The following WNT10B variants were observed in gnomAD, a reference collection of about 807,000 sequenced individuals.
WNT10B encodes Wnt family member 10B, also known as protein Wnt-10b.
A neutral mutation model predicts 32.7 loss-of-function variants in WNT10B; 26 were observed. The observed-to-expected ratio is 0.79, with a 90% confidence interval of 0.58 to 1.10. The LOEUF is 1.10. Among genes scored for constraint, WNT10B ranks in the 50% least tolerant of loss-of-function variants. The pLI is 0.00. For missense variants in WNT10B, 474 were observed against 532.5 expected, an observed-to-expected ratio of 0.89 and a Z score of 1.08; for synonymous variants, 204 against 220.4, an observed-to-expected ratio of 0.93 and a Z score of 0.66.
At chr12:48,969,532 T>C (rs1940806832) in intron 3 of WNT10B, among the ~76,000 whole-genome samples, 1 of 151,844 alleles carries the variant, frequency 6.6e-6, no homozygotes, top group South Asian at 2.1e-4. Flanking sequence ...CCTGCTCAGG[T>C]GAGCAACACC....
intron 4 of WNT10B, 122 bp downstream of exon 4, chr12:48,967,824 T>A (rs1940766264): frequency 1.5e-6 from 2 of 1,343,508 alleles, no homozygotes; most frequent in Admixed American, 5.2e-5. Context: ...TGAGGCTGGG[T>A]GACTTGCTGA....
In WNT10B at chr12:48,971,636, A is replaced by G. The variant is rs1343761184; in HGVS notation, c.-222T>C. The G allele has an allele frequency of 6.6e-6, 1 of 152,656 alleles. No individual in the cohort carries two copies. The highest frequency in any genetic ancestry group is 1.5e-5 in the Non-Finnish European group (1 of 68,474). 9.5% of individuals were successfully genotyped at this position (152,656 alleles called of 1,614,324 possible). ...AGCGCCGCCGCGGCCGCCGGGAGGA[A>G]GGGAGGGAGGAAGGGAGGGAGTGAT... On this transcript the variant is annotated 5_prime_UTR_variant, in exon 1 of 5. Coordinates refer to ENST00000301061, the MANE Select transcript of WNT10B (RefSeq NM_003394.4).
Position 48,966,164 on chromosome 12 carries a change from G to C in WNT10B, c.1101C>G (p.Arg367=). Residue 367 remains arginine (R), a synonymous_variant, in exon 5 of 5, where the codon CGC becomes CGG. Coordinates refer to ENST00000301061, the MANE Select transcript of WNT10B (RefSeq NM_003394.4). The stretch of plus-strand genomic sequence containing the variant: ...ACAGCACATAGCAGCACCAGTGGAA[G>C]CGGCAATGGCAGCGCTCAACTCGTG... ...RQTRVERCHC[R]FHWCCYVLCD... The C allele has an allele frequency of 6.2e-7, 1 of 1,613,694 alleles. No individual in the cohort carries two copies. Among genetic ancestry groups the C allele is most frequent in the Non-Finnish European group, 8.5e-7 (1 of 1,180,026 alleles).
In WNT10B at chr12:48,969,554, C is replaced by G. The variant is rs544832058; in HGVS notation, c.337+535G>C. Among the ~76,000 whole-genome samples, 3 of 152,310 alleles carry G rather than the reference C, an allele frequency of 2.0e-5. No individual in the cohort carries two copies. In the South Asian group the frequency reaches 6.2e-4, roughly 32 times the overall value. Reference sequence around the variant, plus strand: ...AGGTGAGCAACACCTGGAGCCCCCACAGCACAGAGGAGGGGACTGGCTCCC... The same window carrying G: ...AGGTGAGCAACACCTGGAGCCCCCAGAGCACAGAGGAGGGGACTGGCTCCC... On this transcript the variant is annotated intron_variant, in intron 3 of 4. Transcript: ENST00000301061.
At position 48,965,719 on chromosome 12, in the gene WNT10B, C is replaced by T. The variant is rs1227553188; in HGVS notation, c.*376G>A. The T allele has an allele frequency of 7.5e-6, 2 of 267,726 alleles. No homozygotes were observed. Among genetic ancestry groups the T allele is most frequent in the Non-Finnish European group, 1.5e-5 (2 of 137,508 alleles). 16.6% of individuals were successfully genotyped at this position (267,726 alleles called of 1,614,324 possible). A position where few individuals can be genotyped will look rare whatever the true frequency, so the allele number is the denominator to read the frequency against. On this transcript the variant is annotated 3_prime_UTR_variant, in exon 5 of 5. Transcript: ENST00000301061. ...ACAGATCTTATGGCTCCAAACAGTGCCTGGGGTTATCCCTCAAGGGAGAGG... is the reference window on the plus strand; with the variant it reads ...ACAGATCTTATGGCTCCAAACAGTGTCTGGGGTTATCCCTCAAGGGAGAGG...
rs1940839605 is a variant in WNT10B, at chr12:48,970,715, C to G, written c.-40-146G>C. 1.6e-6 allele frequency: 1 copy of G among 639,016 alleles called. No homozygotes were observed. The highest frequency in any genetic ancestry group is 1.8e-5 in the African/African-American group (1 of 54,322). The allele number at this position is 639,016 out of a possible 1,614,324, so 39.6% of individuals were successfully genotyped here. A position where few individuals can be genotyped will look rare whatever the true frequency, so the allele number is the denominator to read the frequency against. ...CCTCAAACAAAACAAGAAGAAACAC[C>G]CCTTGATTCCCAGAGTCCCTGAGGC... is the stretch of plus-strand genomic sequence containing the variant. On this transcript the variant is annotated intron_variant, in intron 1 of 4. Transcript: ENST00000301061. This position sits in a 1 kb window ranked among gnomAD's most constrained non-coding sequence, Gnocchi z 5.0.
intron 3 of WNT10B, 128 bp downstream of exon 3, chr12:48,969,961 G>C: frequency 8.4e-7 from 1 of 1,184,342 alleles, no homozygotes. Context: ...GGCTCCGGGG[G>C]GGGCGGGGAA....
Position 48,970,151 on chromosome 12 carries a change from C to A in WNT10B, c.275G>T (p.Trp92Leu). ...ECQHQLRDQR[W>L]NCSALEGGGR... ...GCCGCCCTCAAGCGCGGAGCAGTTC[C>A]AGCGCTGGTCGCGCAGCTGGTGCTG... is the stretch of plus-strand genomic sequence containing the variant. The change falls in exon 3 of 5, where the codon TGG becomes TTG. Residue 92 changes from tryptophan (W) to leucine (L), a missense_variant. Trp to Leu is a moderately conservative substitution (Grantham distance 61). Coordinates refer to ENST00000301061, the MANE Select transcript of WNT10B (RefSeq NM_003394.4). This position sits in a 1 kb window ranked among gnomAD's most constrained non-coding sequence, Gnocchi z 5.0. The A allele has an allele frequency of 6.5e-7, 1 of 1,543,936 alleles. No individual in the cohort carries two copies.
rs1565716346 is a variant in WNT10B, at chr12:48,968,088, GGGCCAGGGCT to G, written c.559_568del (p.Ser187ProfsTer50). The G allele has an allele frequency of 1.2e-6, 2 of 1,614,218 alleles. No homozygotes were observed. The highest frequency in any genetic ancestry group is 2.2e-5 in the South Asian group (2 of 91,084). ...GCCACCCCATTCCCATGTGTCCTGGGGGCCAGGGCTGGGGCTTGAGCCAGGGCCAGGGCTG... is the reference window on the plus strand; with the variant it reads ...GCCACCCCATTCCCATGTGTCCTGGGGGGGCTTGAGCCAGGGCCAGGGCTG... On this transcript the variant is annotated frameshift_variant, in exon 4 of 5. Coordinates refer to ENST00000301061, the MANE Select transcript of WNT10B (RefSeq NM_003394.4). LOFTEE classifies it high-confidence loss of function.
chr12:48,967,917 G>A, intron 4 of WNT10B, 29 bp downstream of exon 4: 1 of 1,611,564 alleles, frequency 6.2e-7, no homozygotes, highest in Non-Finnish European at 8.5e-7. Flanking sequence ...AAAAGCTGGG[G>A]AGACCCAGGA....
chr12:48,966,639 A>G, intron 4 of WNT10B, 86 bp from the exon 5 acceptor site: 1 of 1,488,302 alleles, frequency 6.7e-7, no homozygotes, highest in Non-Finnish European at 9.2e-7. Flanking sequence ...GGAACAGAGA[A>G]CACAGGGAGG....
chr12:48,967,244 C>T (rs185915533), intron 4 of WNT10B, among the ~76,000 whole-genome samples: 2 of 150,922 alleles, frequency 1.3e-5, no homozygotes, highest in Non-Finnish European at 2.9e-5. Context: ...AGGCTCACTG[C>T]AACCTCTGCC....
Position 48,966,007 on chromosome 12 carries a change from G to A in WNT10B, c.*88C>T, listed in dbSNP as rs1353269532. The A allele has an allele frequency of 9.9e-6, 15 of 1,507,832 alleles. No individual in the cohort carries two copies. Among genetic ancestry groups the A allele is most frequent in the Non-Finnish European group, 1.3e-5 (14 of 1,102,760 alleles). The allele number at this position is 1,507,832 out of a possible 1,614,324, so 93.4% of individuals were successfully genotyped here. ...TACTTTAAGCTTCCAGGGACCAAGAGTGACCTTGGAAGGAAATCAGAGCAA... is the reference window on the plus strand; with the variant it reads ...TACTTTAAGCTTCCAGGGACCAAGAATGACCTTGGAAGGAAATCAGAGCAA... On this transcript the variant is annotated 3_prime_UTR_variant, in exon 5 of 5. Coordinates refer to ENST00000301061, the MANE Select transcript of WNT10B (RefSeq NM_003394.4).
rs756522211 is a variant in WNT10B, at chr12:48,970,755, G to A, written c.-40-186C>T. 1.6e-6 allele frequency: 1 copy of A among 606,496 alleles called. No individual in the cohort carries two copies. Among genetic ancestry groups the A allele is most frequent in the Non-Finnish European group, 2.9e-6 (1 of 343,322 alleles). The allele number at this position is 606,496 out of a possible 1,614,324, so 37.6% of individuals were successfully genotyped here. On this transcript the variant is annotated intron_variant, in intron 1 of 4. Transcript: ENST00000301061. The surrounding 1 kb of genome is among the most constrained non-coding windows in gnomAD (Gnocchi z 5.0). ...GTCCCTGAGGCTTGGAGGTCTTAAA[G>A]AAGAAGAGTCAAGGCGTTGTCCCAG... is the stretch of plus-strand genomic sequence containing the variant.
Position 48,966,443 on chromosome 12 carries a change from C to A in WNT10B, c.822G>T (p.Ala274=), listed in dbSNP as rs1242623813. Residue 274 remains alanine (A), a synonymous_variant, in exon 5 of 5, where the codon GCG becomes GCT. Coordinates refer to ENST00000301061, the MANE Select transcript of WNT10B (RefSeq NM_003394.4). ...AAPEFRAVGA[A]LRERLGRAIF... is the part of the protein sequence containing the mutation. ...TGGCCCGGCCCAGCCGCTCCCTCAA[C>A]GCCGCCCCCACTGCCCGGAACTCTG... is the stretch of plus-strand genomic sequence containing the variant. 6.2e-7 allele frequency: 1 copy of A among 1,614,046 alleles called. No homozygotes were observed. The highest frequency in any genetic ancestry group is 1.1e-5 in the South Asian group (1 of 91,082).
Position 48,966,396 on chromosome 12 carries a change from C to T in WNT10B, c.869G>A (p.Arg290His), listed in dbSNP as rs764642923. 1.5e-5 allele frequency: 24 copies of T among 1,614,066 alleles called. No individual in the cohort carries two copies. The highest frequency in any genetic ancestry group is 5.5e-5 in the South Asian group (5 of 91,078). ...ACGGGGCTGGAAGGCTCCAGAATTGCGGTTGTGGGTATCAATGAAGATGGC... is the reference window on the plus strand; with the variant it reads ...ACGGGGCTGGAAGGCTCCAGAATTGTGGTTGTGGGTATCAATGAAGATGGC... Reference protein sequence around the residue: ...GRAIFIDTHNRNSGAFQPRLR... With the variant: ...GRAIFIDTHNHNSGAFQPRLR... Residue 290 changes from arginine (R) to histidine (H), a missense_variant, in exon 5 of 5, where the codon CGC becomes CAC. Coordinates refer to ENST00000301061, the MANE Select transcript of WNT10B (RefSeq NM_003394.4).
chr12:48,966,145 C>G lies in WNT10B; in HGVS notation c.1120G>C (p.Val374Leu). The change falls in exon 5 of 5, where the codon GTG becomes CTG. Residue 374 changes from valine to leucine, a missense_variant. Physicochemically the swap from Val to Leu is conservative, Grantham distance 32. Coordinates refer to ENST00000301061, the MANE Select transcript of WNT10B (RefSeq NM_003394.4). Reference sequence around the variant, plus strand: ...GTAACCTTGCACTCATCACACAGCACATAGCAGCACCAGTGGAAGCGGCAA... The same window carrying G: ...GTAACCTTGCACTCATCACACAGCAGATAGCAGCACCAGTGGAAGCGGCAA... ...CHCRFHWCCY[V>L]LCDECKVTEW... 1 of 1,613,742 alleles carries G rather than the reference C, an allele frequency of 6.2e-7. No homozygotes were observed. Among genetic ancestry groups the G allele is most frequent in the South Asian group, 1.1e-5 (1 of 91,082 alleles).
Position 48,965,782 on chromosome 12 carries a change from T to C in WNT10B, c.*313A>G. 1 of 368,764 alleles carries C rather than the reference T, an allele frequency of 2.7e-6. No individual in the cohort carries two copies. Among genetic ancestry groups the C allele is most frequent in the Non-Finnish European group, 5.1e-6 (1 of 197,630 alleles). The allele number at this position is 368,764 out of a possible 1,614,324, so 22.8% of individuals were successfully genotyped here. ...ATAGGGACTCCCCAGCCAAAAGGAGTATGAATCAGGGTTAAAGGGGCTCTG... is the reference window on the plus strand; with the variant it reads ...ATAGGGACTCCCCAGCCAAAAGGAGCATGAATCAGGGTTAAAGGGGCTCTG... On this transcript the variant is annotated 3_prime_UTR_variant, in exon 5 of 5. Coordinates refer to ENST00000301061, the MANE Select transcript of WNT10B (RefSeq NM_003394.4).
rs760625874 is a variant in WNT10B at position 48,968,305 on chromosome 12, C to T, written c.352G>A (p.Ala118Thr). 1.2e-6 allele frequency: 2 copies of T among 1,601,268 alleles called. No individual in the cohort carries two copies. Among genetic ancestry groups the T allele is most frequent in the East Asian group, 2.2e-5 (1 of 44,890 alleles). ...AILKRGFRES[A>T]FSFSMLAAGV... ...GCAGCCAGCATGGAGAAGGAAAAAG[C>T]ACTTTCTCGGAAACCTGGGGATGAG... The change falls in exon 4 of 5, where the codon GCT (alanine) becomes ACT (threonine). Residue 118 changes from alanine to threonine, a missense_variant. Physicochemically the swap from Ala to Thr is moderately conservative, Grantham distance 58 (BLOSUM62 0). Coordinates refer to ENST00000301061, the MANE Select transcript of WNT10B (RefSeq NM_003394.4).
Sources: allele counts gnomAD v4.1 joint callset (sites outside exome capture counted in the v4.1 genomes callset), GRCh38; gene constraint gnomAD v4.1.1; non-coding constraint Gnocchi (gnomAD v3.1); transcripts MANE v1.5; gene names NCBI Gene and HGNC (gene_info 2026-07-23, HGNC 2026-07-21).